The following DOCK3 variants were observed in gnomAD, a reference collection of about 807,000 sequenced individuals.
DOCK3 encodes the protein dedicator of cytokinesis 3, also known as dedicator of cytokinesis protein 3.
DOCK3 carries 60 observed loss-of-function variants against 265.6 expected under a neutral mutation model. The ratio of observed to expected loss-of-function variants is 0.23; its 90% CI spans 0.18 to 0.28. DOCK3 has a LOEUF of 0.28. Among genes scored for constraint, DOCK3 ranks in the 10% least tolerant of loss-of-function variants. The pLI is 1.00. For missense variants in DOCK3, 1,981 were observed against 2,594.3 expected, an observed-to-expected ratio of 0.76 and a Z score of 5.14; for synonymous variants, 881 against 938.0, an observed-to-expected ratio of 0.94 and a Z score of 1.11.
intron 32 of DOCK3, among the ~76,000 whole-genome samples, chr3:51,315,682 A>G (rs1471080117): frequency 6.6e-6 from 1 of 152,192 alleles, no homozygotes; most frequent in Non-Finnish European, 1.5e-5. Context: ...TCCAGGGGAT[A>G]GTACCAGGAC....
Position 51,060,124 on chromosome 3 carries a change from C to T in DOCK3, c.316-4324C>T, listed in dbSNP as rs549191940. ...CAATTCATTGAACCTGCACATTGTGCACATGTACCCTAAAACTTAAAGTAT... is the reference window on the plus strand; with the variant it reads ...CAATTCATTGAACCTGCACATTGTGTACATGTACCCTAAAACTTAAAGTAT... On this transcript the variant is annotated intron_variant, in intron 5 of 52. Transcript: ENST00000266037. Among the ~76,000 whole-genome samples, 12 of 151,832 alleles carry T rather than the reference C, an allele frequency of 7.9e-5. No homozygotes were observed. In the South Asian group the frequency reaches 2.1e-3, roughly 26 times the overall value.
intron 23 of DOCK3, among the ~76,000 whole-genome samples, chr3:51,265,847 G>T (rs2080131750): frequency 6.6e-6 from 1 of 152,066 alleles, no homozygotes; most frequent in Non-Finnish European, 1.5e-5. Context: ...TTCTGGCCAG[G>T]GCAGTCAGGC....
chr3:51,245,815 G>T (rs2078811123), intron 21 of DOCK3, among the ~76,000 whole-genome samples: 1 of 152,142 alleles, frequency 6.6e-6, no homozygotes, highest in South Asian at 2.1e-4. Flanking sequence ...AGAGTGGACT[G>T]TTCTATGTGC....
intron 2 of DOCK3, among the ~76,000 whole-genome samples, chr3:50,809,453 C>G (rs2043613195): frequency 6.6e-6 from 1 of 152,120 alleles, no homozygotes; most frequent in Admixed American, 6.5e-5. Context: ...GTTGTTACTC[C>G]CAGACATTAC....
At chr3:51,009,785 T>A (rs2078866400) in intron 5 of DOCK3, among the ~76,000 whole-genome samples, 1 of 152,240 alleles carries the variant, frequency 6.6e-6, no homozygotes, top group Non-Finnish European at 1.5e-5. Context: ...ACACACTGCT[T>A]TAAATGTGTC....
intron 2 of DOCK3, among the ~76,000 whole-genome samples, chr3:50,820,616 A>G (rs757225431): frequency 2.0e-5 from 3 of 152,154 alleles, no homozygotes; most frequent in South Asian, 2.1e-4. Flanking sequence ...GCTATTGTGA[A>G]TAGTGCAGTG....
intron 49 of DOCK3, among the ~76,000 whole-genome samples, chr3:51,364,742 T>TC (rs772241008): frequency 6.6e-6 from 1 of 152,108 alleles, no homozygotes; most frequent in Non-Finnish European, 1.5e-5. Flanking sequence ...AAATAGAGAA[T>TC]CTTTCCCCAT....
At chr3:50,876,071 A>G (rs2107617808) in intron 3 of DOCK3, among the ~76,000 whole-genome samples, 1 of 152,282 alleles carries the variant, frequency 6.6e-6, no homozygotes, top group Middle Eastern at 3.4e-3. Flanking sequence ...TACTGCTGCT[A>G]TACCAAGTAT....
intron 1 of DOCK3, among the ~76,000 whole-genome samples, chr3:50,738,112 G>T (rs2038764249): frequency 6.6e-6 from 1 of 152,170 alleles, no homozygotes; most frequent in African/African-American, 2.4e-5. Context: ...CTGCAGGCAG[G>T]CTTGATGATA....
chr3:50,828,616 G>A (rs1283049808), intron 2 of DOCK3, among the ~76,000 whole-genome samples: 1 of 151,160 alleles, frequency 6.6e-6, no homozygotes, highest in Non-Finnish European at 1.5e-5. Flanking sequence ...CGTTGTCCAG[G>A]CTGGTCTCAA....
At chr3:51,297,162 T>C (rs2082134150) in intron 27 of DOCK3, among the ~76,000 whole-genome samples, 2 of 147,218 alleles carry the variant, frequency 1.4e-5, no homozygotes, top group South Asian at 2.2e-4. Flanking sequence ...AAGAATGATA[T>C]CGCATCTCTA....
chr3:50,744,344 A>ACCAT (rs2039281546), intron 1 of DOCK3, among the ~76,000 whole-genome samples: 1 of 151,792 alleles, frequency 6.6e-6, no homozygotes, highest in Admixed American at 6.6e-5. Flanking sequence ...CCATTTCCAA[A>ACCAT]TCTGATGTCA....
chr3:50,702,718 A>T (rs947811892), intron 1 of DOCK3, among the ~76,000 whole-genome samples: 5 of 151,100 alleles, frequency 3.3e-5, no homozygotes, highest in Non-Finnish European at 5.9e-5. Flanking sequence ...AAATGCATTT[A>T]TCTGTTCTAA....
chr3:51,082,272 GT>G (rs2082269446), intron 7 of DOCK3, among the ~76,000 whole-genome samples: 1 of 151,760 alleles, frequency 6.6e-6, no homozygotes. Context: ...ACCAGACTGC[GT>G]TTTTCTACCC....
intron 3 of DOCK3, among the ~76,000 whole-genome samples, chr3:50,860,484 T>C (rs1250974383): frequency 6.6e-6 from 1 of 152,222 alleles, no homozygotes; most frequent in African/African-American, 2.4e-5. Flanking sequence ...GGGCTGCTAC[T>C]GTATGCTTGG....
At chr3:51,291,958 A>G (rs1046466219) in intron 27 of DOCK3, among the ~76,000 whole-genome samples, 3 of 152,226 alleles carry the variant, frequency 2.0e-5, no homozygotes, top group Non-Finnish European at 4.4e-5. Context: ...CAGATCAATA[A>G]ATGTGATTCA....
intron 9 of DOCK3, among the ~76,000 whole-genome samples, 165 bp from the exon 10 acceptor site, chr3:51,146,384 G>T (rs1328817097): frequency 6.6e-6 from 1 of 152,114 alleles, no homozygotes; most frequent in Admixed American, 6.5e-5. Context: ...ATGTTACTTG[G>T]CAGGAAAAAA....
intron 12 of DOCK3, among the ~76,000 whole-genome samples, chr3:51,193,122 A>C (rs2088051410): frequency 6.6e-6 from 1 of 152,168 alleles, no homozygotes; most frequent in South Asian, 2.1e-4. Flanking sequence ...AGTTTTTATC[A>C]TGAAGGGATG....
intron 21 of DOCK3, among the ~76,000 whole-genome samples, chr3:51,239,563 TTTGTTTGTTTG>T (rs1429154635): frequency 1.4e-5 from 2 of 139,802 alleles, no homozygotes; most frequent in Non-Finnish European, 3.1e-5. Context: ...GGGTTTTTTT[TTTGTTTGTTTG>T]TTTTTTGTTT....
Sources: allele counts gnomAD v4.1 joint callset (sites outside exome capture counted in the v4.1 genomes callset), GRCh38; gene constraint gnomAD v4.1.1; transcripts MANE v1.5; gene names NCBI Gene and HGNC (gene_info 2026-07-23, HGNC 2026-07-21).